CHST8: variants seen among roughly 807,000 people sequenced by gnomAD.
The protein encoded by CHST8 is carbohydrate sulfotransferase 8, also known as GALNAC-4-ST1.
In CHST8, 10 loss-of-function variants were observed where a neutral mutation model predicts 15.0. That is an observed-to-expected ratio of 0.67 (90% CI 0.41 to 1.13). The LOEUF is 1.13. Ranked by LOEUF, CHST8 falls within the 50% of genes most tolerant of loss-of-function variation. The pLI, the probability that CHST8 is intolerant of heterozygous loss-of-function variation, is 0.00. For missense variants in CHST8, 634 were observed against 608.2 expected, an observed-to-expected ratio of 1.04 and a Z score of -0.45; for synonymous variants, 259 against 256.6, an observed-to-expected ratio of 1.01 and a Z score of -0.09.
chr19:33,726,067 G>A (rs1318274441), intron 3 of CHST8, among the ~76,000 whole-genome samples: 3 of 152,198 alleles, frequency 2.0e-5, no homozygotes, highest in African/African-American at 7.2e-5. Context: ...TAAGAACCGG[G>A]GTCTGAGTTG....
rs372363019 is a variant in CHST8 at position 33,772,184 on chromosome 19, G to C, written c.396G>C (p.Ala132=). 1.1e-5 allele frequency: 17 copies of C among 1,597,190 alleles called. No individual in the cohort carries two copies. The South Asian group carries it at 1.6e-4, about 15-fold the overall frequency. ...CCATCCCGGCCAACAGCTCGGACGC[G>C]CCCTTCATCCGGCCGGGACCCGGGA... ...AATIPANSSD[A]PFIRPGPGTL... Residue 132 remains alanine (A), a synonymous_variant, in exon 5 of 5, where the codon GCG becomes GCC. Coordinates refer to ENST00000650847, the MANE Select transcript of CHST8 (RefSeq NM_001127895.2).
At chr19:33,664,240 T>C (rs1235930474) in intron 1 of CHST8, among the ~76,000 whole-genome samples, 2 of 152,150 alleles carry the variant, frequency 1.3e-5, no homozygotes, top group African/African-American at 4.8e-5. Context: ...TGGGAATCTA[T>C]ATGGTTTACC....
chr19:33,659,328 G>A (rs1972554992), intron 1 of CHST8, among the ~76,000 whole-genome samples: 1 of 152,104 alleles, frequency 6.6e-6, no homozygotes, highest in South Asian at 2.1e-4. Flanking sequence ...GCCTCCCAAA[G>A]TGCTGGGATT....
chr19:33,717,448 G>A (rs1055653981), intron 3 of CHST8, among the ~76,000 whole-genome samples: 7 of 151,962 alleles, frequency 4.6e-5, no homozygotes, highest in South Asian at 2.1e-4. Context: ...GCAACAGAGC[G>A]AGACTCCATC....
At chr19:33,645,250 C>A (rs1972337320) in intron 1 of CHST8, among the ~76,000 whole-genome samples, 1 of 152,104 alleles carries the variant, frequency 6.6e-6, no homozygotes, top group South Asian at 2.1e-4. Flanking sequence ...GGGCGGGGGA[C>A]AGAGATGTGG....
At chr19:33,770,527 G>A (rs574654311) in intron 3 of CHST8, among the ~76,000 whole-genome samples, 41 of 152,300 alleles carry the variant, frequency 2.7e-4, no homozygotes, top group Non-Finnish European at 4.4e-4. Context: ...GTCCTCCTGC[G>A]ACTTTCCCCC....
chr19:33,757,526 A>AG (rs1568358815), intron 3 of CHST8, among the ~76,000 whole-genome samples: 3 of 17,656 alleles, frequency 1.7e-4, no homozygotes, highest in African/African-American at 2.3e-4. Flanking sequence ...AAGAAAGAGA[A>AG]AGAAAGAAAG....
intron 2 of CHST8, chr19:33,684,903 C>T (rs1600260969): frequency 6.6e-6 from 1 of 152,446 alleles, no homozygotes; most frequent in East Asian, 1.9e-4. Context: ...CCATAGCAGC[C>T]TCTCTCCCAA....
chr19:33,751,189 G>A (rs558746843), intron 3 of CHST8, among the ~76,000 whole-genome samples: 2 of 152,248 alleles, frequency 1.3e-5, no homozygotes, highest in Admixed American at 6.5e-5. Context: ...CCTGCCCACC[G>A]CACCCTCGCT....
intron 3 of CHST8, among the ~76,000 whole-genome samples, chr19:33,747,893 G>A (rs1344940737): frequency 2.0e-5 from 3 of 152,238 alleles, no homozygotes; most frequent in South Asian, 2.1e-4. Context: ...CCGAGGAGGT[G>A]GCTCAGCGGG....
intron 3 of CHST8, among the ~76,000 whole-genome samples, chr19:33,733,391 G>GC: frequency 6.6e-6 from 1 of 152,038 alleles, no homozygotes; most frequent in South Asian, 2.1e-4. Context: ...CCACAACAAT[G>GC]CCCAGCTAAT....
At chr19:33,707,990 G>A (rs937130761) in intron 3 of CHST8, among the ~76,000 whole-genome samples, 1 of 152,056 alleles carries the variant, frequency 6.6e-6, no homozygotes, top group Non-Finnish European at 1.5e-5. Flanking sequence ...GTTTTAATTT[G>A]CATCTCTCTA....
At chr19:33,657,591 A>G (rs1347809821) in intron 1 of CHST8, among the ~76,000 whole-genome samples, 1 of 151,928 alleles carries the variant, frequency 6.6e-6, no homozygotes. Flanking sequence ...TTTTTAAGGG[A>G]CAAAGTCTTG....
chr19:33,743,060 T>C (rs1266694625), intron 3 of CHST8, among the ~76,000 whole-genome samples: 3 of 152,048 alleles, frequency 2.0e-5, no homozygotes, highest in Admixed American at 2.0e-4. Flanking sequence ...CTCTGCAATA[T>C]AGGCTGGTGG....
intron 3 of CHST8, among the ~76,000 whole-genome samples, chr19:33,707,925 A>G (rs951465987): frequency 6.6e-6 from 1 of 152,160 alleles, no homozygotes; most frequent in African/African-American, 2.4e-5. Flanking sequence ...ACTTGTTATT[A>G]TCTGTCTTTT....
At chr19:33,651,222 T>G (rs932770652) in intron 1 of CHST8, among the ~76,000 whole-genome samples, 1 of 152,212 alleles carries the variant, frequency 6.6e-6, no homozygotes, top group Non-Finnish European at 1.5e-5. Flanking sequence ...TCTACTGATT[T>G]ATGCTTTCTA....
In CHST8 at chr19:33,666,694, T is replaced by G. The variant is rs553255010; in HGVS notation, c.-163-1073T>G. On this transcript the variant is annotated intron_variant, in intron 1 of 4. Coordinates refer to ENST00000650847, the MANE Select transcript of CHST8 (RefSeq NM_001127895.2). ...AGAGAGTAGTTGTTAAGTGGTATTT[T>G]TCTTTTTCTTTCTTTCTTTCTTTTT... is the stretch of plus-strand genomic sequence containing the variant. Among the ~76,000 whole-genome samples the G allele has an allele frequency of 3.9e-5, 6 of 152,232 alleles. No individual in the cohort carries two copies. The South Asian group carries it at 1.2e-3, about 32-fold the overall frequency.
chr19:33,655,137 A>G (rs1972494197), intron 1 of CHST8, among the ~76,000 whole-genome samples: 1 of 152,136 alleles, frequency 6.6e-6, no homozygotes, highest in Admixed American at 6.5e-5. Flanking sequence ...CCCGGGTACA[A>G]GCAATTCTCA....
At chr19:33,679,341 T>G (rs953501525) in intron 2 of CHST8, among the ~76,000 whole-genome samples, 1 of 152,214 alleles carries the variant, frequency 6.6e-6, no homozygotes, top group Non-Finnish European at 1.5e-5. Context: ...CATCCCCAGG[T>G]GCTCTTGGCA....
Sources: allele counts gnomAD v4.1 joint callset (sites outside exome capture counted in the v4.1 genomes callset), GRCh38; gene constraint gnomAD v4.1.1; transcripts MANE v1.5; gene names NCBI Gene and HGNC (gene_info 2026-07-23, HGNC 2026-07-21).